Variants in MED14 observed in about 807,000 individuals in gnomAD.
MED14 encodes mediator complex subunit 14, also known as mediator of RNA polymerase II transcription subunit 14.
Under a neutral mutation model 109.0 loss-of-function variants are expected in MED14, and 8 were observed. That is an observed-to-expected ratio of 0.07 (90% CI 0.04 to 0.13). The LOEUF is 0.13. Among genes scored for constraint, MED14 ranks in the 10% least tolerant of loss-of-function variants. The probability of loss-of-function intolerance (pLI) is 1.00; values close to 1 mark genes in which losing one functional copy is unlikely to be tolerated. For synonymous variants in MED14, 399 were observed against 408.7 expected (o/e 0.98, Z 0.29); for missense variants, 711 against 1,142.4 (o/e 0.62, Z 5.44).
chrX:40,660,867 G>C (rs1215993876), intron 26 of MED14, among the ~76,000 whole-genome samples: 1 of 112,823 alleles, frequency 8.9e-6, no homozygotes, highest in African/African-American at 3.2e-5. Flanking sequence ...TTGCAAAATG[G>C]CTTTACACTA....
At chrX:40,675,185 A>C in intron 22 of MED14, 36 bp downstream of exon 22, 1 of 1,121,984 alleles carries the variant, frequency 8.9e-7, no homozygotes, top group Non-Finnish European at 1.2e-6. Context: ...AAGTTACAGA[A>C]ATGTGATACC....
intron 21 of MED14, among the ~76,000 whole-genome samples, chrX:40,675,660 C>T (rs887811735): frequency 5.4e-5 from 6 of 112,054 alleles, no homozygotes; most frequent in African/African-American, 1.9e-4. Context: ...TTATTAACTT[C>T]TAATCCAGAA....
At chrX:40,721,319 A>G (rs1388470368) in intron 3 of MED14, among the ~76,000 whole-genome samples, 1 of 111,278 alleles carries the variant, frequency 9.0e-6, no homozygotes, top group Non-Finnish European at 1.9e-5. Flanking sequence ...CTGACTGAAG[A>G]ACCCTTAGAT....
chrX:40,734,966 TG>T (rs751782174), intron 1 of MED14, among the ~76,000 whole-genome samples: 8 of 111,857 alleles, frequency 7.2e-5, no homozygotes, highest in Non-Finnish European at 1.3e-4. Context: ...CAATTTTCAG[TG>T]GAAGTGTAAC....
Position 40,686,876 on chromosome X carries a change from G to T in MED14, c.2057+1578C>A, listed in dbSNP as rs1286471502. ...ATCTCTTAGATGGTATTCTGGCTTT[G>T]CAAGTCCATACTGGGTCACTTTTAA... On this transcript the variant is annotated intron_variant, in intron 16 of 30. Coordinates refer to ENST00000324817, the MANE Select transcript of MED14 (RefSeq NM_004229.4). Among the ~76,000 whole-genome samples, 4 of 111,917 alleles carry T rather than the reference G, an allele frequency of 3.6e-5. No individual in the cohort carries two copies. In the Admixed American group the frequency reaches 3.8e-4, roughly 11 times the overall value.
intron 5 of MED14, 27 bp from the exon 6 acceptor site, chrX:40,713,069 A>G: frequency 8.8e-7 from 1 of 1,135,737 alleles, no homozygotes; most frequent in African/African-American, 1.8e-5. Flanking sequence ...ATGAAGAAAA[A>G]GAAGTGTACT....
At chrX:40,721,603 G>A (rs1931719570) in intron 3 of MED14, among the ~76,000 whole-genome samples, 2 of 112,749 alleles carry the variant, frequency 1.8e-5, no homozygotes, top group South Asian at 3.6e-4. Flanking sequence ...GACTGGCTTC[G>A]CCACCTGCTG....
chrX:40,682,017 G>T (rs2146655860), intron 18 of MED14, 74 bp from the exon 19 acceptor site: 1 of 471,421 alleles, frequency 2.1e-6, no homozygotes, highest in Non-Finnish European at 3.4e-6. Context: ...GAGTAACAGG[G>T]CATTTTGGCA....
At chrX:40,683,820 A>G (rs1045002832) in intron 16 of MED14, among the ~76,000 whole-genome samples, 2 of 112,233 alleles carry the variant, frequency 1.8e-5, no homozygotes, top group African/African-American at 6.5e-5. Flanking sequence ...TAACTCATTT[A>G]ACATACATAT....
chrX:40,731,472 C>A (rs1932079745), intron 1 of MED14, among the ~76,000 whole-genome samples: 1 of 111,234 alleles, frequency 9.0e-6, no homozygotes, highest in Non-Finnish European at 1.9e-5. Context: ...GGTAAGTTCC[C>A]AAACTAATTA....
Position 40,709,444 on chromosome X carries a change from T to C in MED14, c.1189A>G (p.Ile397Val), listed in dbSNP as rs1931257825. ...ACACTGTCAATCAGGAGTTTTTCTA[T>C]TGATAAGTGGTCGATCTGCATAAAT... is the stretch of plus-strand genomic sequence containing the variant. ...ERAMKIDHLSIEKLLIDSVHA... is the reference protein window; with the variant it reads ...ERAMKIDHLSVEKLLIDSVHA... The change falls in exon 10 of 31, where the codon ATA becomes GTA. Residue 397 changes from isoleucine to valine, a missense_variant. By Grantham distance (29) the Ile-to-Val change is conservative. This residue lies in a region of MED14 where 388 missense variants were observed against 517.3 expected (regional missense o/e 0.75). Transcript: ENST00000324817. 8 of 1,115,003 alleles carry C rather than the reference T, an allele frequency of 7.2e-6. No homozygotes were observed. The highest frequency in any genetic ancestry group is 3.1e-5 in the East Asian group (1 of 32,152). 91.9% of individuals were successfully genotyped at this position (1,115,003 alleles called of 1,213,427 possible). A position where few individuals can be genotyped will look rare whatever the true frequency, so the allele number is the denominator to read the frequency against.
At chrX:40,726,531 G>A (rs1395028166) in intron 3 of MED14, 4 of 321,702 alleles carry the variant, frequency 1.2e-5, no homozygotes, top group East Asian at 5.0e-5. Context: ...GTCTCCTCAC[G>A]TAATGATGTC....
intron 7 of MED14, 67 bp from the exon 8 acceptor site, chrX:40,711,368 A>C: frequency 1.1e-6 from 1 of 904,408 alleles, no homozygotes; most frequent in Non-Finnish European, 1.5e-6. Flanking sequence ...GGAGAACTTC[A>C]TTTAAGGAAG....
intron 19 of MED14, among the ~76,000 whole-genome samples, chrX:40,681,145 A>T (rs912610220): frequency 6.2e-5 from 7 of 112,570 alleles, no homozygotes; most frequent in African/African-American, 2.3e-4. Context: ...AAAGGCGCTA[A>T]AACAACTTTA....
intron 12 of MED14, among the ~76,000 whole-genome samples, 179 bp downstream of exon 12, chrX:40,700,986 G>A (rs1930915420): frequency 8.9e-6 from 1 of 111,746 alleles, no homozygotes; most frequent in African/African-American, 3.3e-5. Flanking sequence ...TTTGATATGA[G>A]AAACTGACAT....
Position 40,651,847 on chromosome X carries a change from A to G in MED14, c.4324T>C (p.Leu1442=). Residue 1442 remains leucine (L), a synonymous_variant, in exon 31 of 31, where the codon TTA becomes CTA. Coordinates refer to ENST00000324817, the MANE Select transcript of MED14 (RefSeq NM_004229.4). Reference sequence around the variant, plus strand: ...GGGGGCAGTGTAAGATTAGCCATTAAATCACGAACAGCTGCAAATATTGTG... The same window carrying G: ...GGGGGCAGTGTAAGATTAGCCATTAGATCACGAACAGCTGCAAATATTGTG... ...ECTIFAAVRD[L]MANLTLPPGG... 1 of 1,199,634 alleles carries G rather than the reference A, an allele frequency of 8.3e-7. No individual in the cohort carries two copies. Among genetic ancestry groups the G allele is most frequent in the Admixed American group, 2.3e-5 (1 of 44,312 alleles).
At chrX:40,708,690 A>G (rs1019013700) in intron 10 of MED14, among the ~76,000 whole-genome samples, 10 of 112,221 alleles carry the variant, frequency 8.9e-5, no homozygotes, top group African/African-American at 3.2e-4. Context: ...GAAAGGGTTT[A>G]CTTTCTAAAT....
chrX:40,735,722 A>G (rs1056645776), upstream of MED14: 1 of 431,393 alleles, frequency 2.3e-6, no homozygotes, highest in Admixed American at 2.8e-5. Context: ...CGCAACGTAC[A>G]TGTTGACTGC....
chrX:40,670,247 G>A (rs924938212), intron 23 of MED14, among the ~76,000 whole-genome samples: 1 of 111,689 alleles, frequency 9.0e-6, no homozygotes, highest in African/African-American at 3.3e-5. Context: ...CATTTGTCAT[G>A]TACCACGCCC....
Sources: allele counts gnomAD v4.1 joint callset (sites outside exome capture counted in the v4.1 genomes callset), GRCh38; gene constraint gnomAD v4.1.1; regional missense constraint gnomAD v4.1.1; transcripts MANE v1.5; gene names NCBI Gene and HGNC (gene_info 2026-07-23, HGNC 2026-07-21).